The following VDAC1 variants were observed in gnomAD, a reference collection of about 807,000 sequenced individuals.
The protein encoded by VDAC1 is non-selective voltage-gated ion channel VDAC1.
In VDAC1, 10 loss-of-function variants were observed where a neutral mutation model predicts 34.7. The ratio of observed to expected loss-of-function variants is 0.29; its 90% CI spans 0.18 to 0.49. The LOEUF is 0.49. Among genes scored for constraint, VDAC1 ranks in the 20% least tolerant of loss-of-function variants. The pLI is 0.99. For missense variants in VDAC1, 230 were observed against 347.9 expected, an observed-to-expected ratio of 0.66 and a Z score of 2.69; for synonymous variants, 130 against 136.0, an observed-to-expected ratio of 0.96 and a Z score of 0.30.
chr5:134,109,770 C>CAA, the VDAC1 span, among the ~76,000 whole-genome samples: 4 of 140,268 alleles, frequency 2.9e-5, no homozygotes, highest in Non-Finnish European at 6.1e-5. Context: ...GGCTCCATCT[C>CAA]AAAAAAAAAA....
intron 8 of VDAC1, among the ~76,000 whole-genome samples, chr5:133,973,376 A>T (rs1253790989): frequency 1.3e-5 from 2 of 152,252 alleles, no homozygotes; most frequent in Non-Finnish European, 2.9e-5. Flanking sequence ...GTTATACACT[A>T]GAACTATAAT....
chr5:133,989,660 C>T (rs1224518535), intron 5 of VDAC1, among the ~76,000 whole-genome samples: 5 of 145,222 alleles, frequency 3.4e-5, no homozygotes, highest in Non-Finnish European at 3.0e-5. Flanking sequence ...GCATCCGACT[C>T]TTTTTTTTTT....
At chr5:134,004,283 C>T (rs571461468) in intron 1 of VDAC1, among the ~76,000 whole-genome samples, 1 of 152,090 alleles carries the variant, frequency 6.6e-6, no homozygotes, top group African/African-American at 2.4e-5. Context: ...CTGGTGGGAT[C>T]CAGGGCCAGA....
intron 5 of VDAC1, among the ~76,000 whole-genome samples, chr5:133,985,860 CTGA>C (rs1328656054): frequency 6.6e-6 from 1 of 152,178 alleles, no homozygotes; most frequent in Non-Finnish European, 1.5e-5. Flanking sequence ...TAAAAAGCTG[CTGA>C]TGATCACAAA....
chr5:134,025,793 A>G, the VDAC1 span, among the ~76,000 whole-genome samples: 23 of 151,270 alleles, frequency 1.5e-4, no homozygotes, highest in African/African-American at 3.6e-4. Flanking sequence ...ATAGGGTCTC[A>G]CTATTTTACC....
chr5:134,075,619 T>C, the VDAC1 span, among the ~76,000 whole-genome samples: 1 of 152,252 alleles, frequency 6.6e-6, no homozygotes, highest in Non-Finnish European at 1.5e-5. Context: ...AGTCTCGCTC[T>C]GTTGCCCAGG....
the VDAC1 span, among the ~76,000 whole-genome samples, chr5:134,030,457 C>A: frequency 2.0e-5 from 3 of 152,172 alleles, no homozygotes; most frequent in African/African-American, 4.8e-5. Context: ...TCTGCAAAAT[C>A]TCCTAGTCAT....
chr5:134,069,428 G>T, the VDAC1 span, among the ~76,000 whole-genome samples: 1 of 152,164 alleles, frequency 6.6e-6, no homozygotes, highest in Non-Finnish European at 1.5e-5. Flanking sequence ...GCAGGAGGAA[G>T]GAATGATGAT....
the VDAC1 span, among the ~76,000 whole-genome samples, chr5:134,096,972 G>A: frequency 2.0e-5 from 3 of 152,244 alleles, no homozygotes; most frequent in Admixed American, 1.3e-4. Flanking sequence ...TGGGGAAGCC[G>A]TGGATTTCCT....
chr5:134,044,993 C>G, the VDAC1 span, among the ~76,000 whole-genome samples: 1 of 152,172 alleles, frequency 6.6e-6, no homozygotes, highest in Non-Finnish European at 1.5e-5. Flanking sequence ...TTTTGGGTAG[C>G]TGGTTCCAAG....
chr5:134,049,442 T>C, the VDAC1 span, among the ~76,000 whole-genome samples: 2 of 152,120 alleles, frequency 1.3e-5, no homozygotes, highest in Admixed American at 1.3e-4. Context: ...CTGGTTTTAT[T>C]TTTTATTGCC....
chr5:134,088,528 G>C, the VDAC1 span, among the ~76,000 whole-genome samples: 1 of 152,348 alleles, frequency 6.6e-6, no homozygotes, highest in East Asian at 1.9e-4. Context: ...ATGAGACAGA[G>C]AAGGAGGCAA....
the VDAC1 span, among the ~76,000 whole-genome samples, chr5:134,068,976 GTGT>G: frequency 6.8e-6 from 1 of 146,852 alleles, no homozygotes; most frequent in Non-Finnish European, 1.5e-5. Flanking sequence ...CTGTGTGTGT[GTGT>G]GTGTGTGTGT....
At chr5:134,057,505 C>T in the VDAC1 span, among the ~76,000 whole-genome samples, 1 of 146,370 alleles carries the variant, frequency 6.8e-6, no homozygotes, top group African/African-American at 2.5e-5. Context: ...ATATCTATAT[C>T]TATATCTATA....
chr5:134,038,096 CAT>C, the VDAC1 span, among the ~76,000 whole-genome samples: 65 of 152,240 alleles, frequency 4.3e-4, 1 homozygote, highest in South Asian at 0.013. Context: ...AGTTACAACA[CAT>C]GTGGGTTCCC....
chr5:134,095,219 C>T, the VDAC1 span, among the ~76,000 whole-genome samples: 7 of 152,132 alleles, frequency 4.6e-5, no homozygotes, highest in Non-Finnish European at 7.3e-5. Flanking sequence ...CAATAACACA[C>T]ACCTATAATC....
At chr5:134,074,994 C>T in the VDAC1 span, among the ~76,000 whole-genome samples, 1 of 152,150 alleles carries the variant, frequency 6.6e-6, no homozygotes, top group Non-Finnish European at 1.5e-5. Context: ...CTCAGTGGTA[C>T]AGCTCGTCCA....
At chr5:134,070,898 G>A in the VDAC1 span, among the ~76,000 whole-genome samples, 6 of 152,322 alleles carry the variant, frequency 3.9e-5, no homozygotes, top group African/African-American at 1.4e-4. Context: ...TGGATCAGAG[G>A]TCTGCACAGT....
the VDAC1 span, among the ~76,000 whole-genome samples, chr5:134,073,242 G>A: frequency 1.3e-5 from 2 of 152,142 alleles, no homozygotes; most frequent in African/African-American, 4.8e-5. Context: ...GTCTTCCTAG[G>A]ATGATGTGAC....
Sources: gnomAD v4.1 joint callset for allele counts (sites outside exome capture counted in the v4.1 genomes callset) on GRCh38, gnomAD v4.1.1 for gene constraint, MANE v1.5 for transcripts, NCBI Gene and HGNC (gene_info 2026-07-23, HGNC 2026-07-21) for gene names.